NUMB: variants seen among roughly 807,000 people sequenced by gnomAD.
NUMB encodes NUMB endocytic adaptor protein.
In NUMB, 29 loss-of-function variants were observed where a neutral mutation model predicts 59.7. The ratio of observed to expected loss-of-function variants is 0.49; its 90% CI spans 0.36 to 0.66. NUMB has a LOEUF of 0.66. Among genes scored for constraint, NUMB ranks in the 30% least tolerant of loss-of-function variants. The pLI is 0.00. For missense variants in NUMB, 723 were observed against 822.0 expected (o/e 0.88, Z 1.47); for synonymous variants, 288 against 288.2 (o/e 1.00, Z 0.01).
intron 2 of NUMB, among the ~76,000 whole-genome samples, chr14:73,371,590 T>C (rs938817207): frequency 2.6e-5 from 4 of 152,060 alleles, no homozygotes; most frequent in African/African-American, 9.7e-5. Flanking sequence ...TTCTTAGTTA[T>C]GTGTGTTAAT....
chr14:73,401,417 CAG>C (rs760574091), intron 2 of NUMB, among the ~76,000 whole-genome samples: 40 of 148,926 alleles, frequency 2.7e-4, no homozygotes, highest in African/African-American at 9.2e-4. Flanking sequence ...AAAAAAAAAA[CAG>C]GGGATGGTAC....
chr14:73,344,024 C>T (rs1320558572), intron 4 of NUMB, among the ~76,000 whole-genome samples: 2 of 152,220 alleles, frequency 1.3e-5, no homozygotes, highest in South Asian at 2.1e-4. Context: ...ATTTCTTCTA[C>T]ATGAATTGTT....
chr14:73,320,622 C>T (rs1172114082), intron 5 of NUMB, among the ~76,000 whole-genome samples: 1 of 152,078 alleles, frequency 6.6e-6, no homozygotes, highest in East Asian at 1.9e-4. Context: ...AAACATTAGA[C>T]ATAATATTTG....
chr14:73,433,856 G>A (rs962295567), intron 1 of NUMB, among the ~76,000 whole-genome samples: 14 of 152,160 alleles, frequency 9.2e-5, no homozygotes, highest in African/African-American at 3.4e-4. Flanking sequence ...TTGGGAGGCC[G>A]AGGCCGATGG....
chr14:73,379,126 T>G (rs1297541590), intron 2 of NUMB, among the ~76,000 whole-genome samples: 1 of 152,212 alleles, frequency 6.6e-6, no homozygotes, highest in African/African-American at 2.4e-5. Flanking sequence ...ACATTTGCCC[T>G]TTATATATGG....
At chr14:73,329,396 C>T (rs1891837489) in intron 4 of NUMB, among the ~76,000 whole-genome samples, 1 of 152,110 alleles carries the variant, frequency 6.6e-6, no homozygotes, top group Admixed American at 6.6e-5. Context: ...TATAGTAGTG[C>T]TAAATACATA....
At position 73,446,767 on chromosome 14, in the gene NUMB, AAATT is replaced by A. The variant is rs1480128548; in HGVS notation, c.-233+11722_-233+11725del. On this transcript the variant is annotated intron_variant, in intron 1 of 12. Coordinates refer to ENST00000555238, the MANE Select transcript of NUMB (RefSeq NM_001005743.2). ...CAAGACCTCATATCTTAAAAAAAAA[AAATT>A]AATAAATAAACATAAAATTAACTTT... 7.7e-4 allele frequency among the ~76,000 whole-genome samples: 117 copies of A among 152,168 alleles called. 1 individual carries two copies. Among genetic ancestry groups the A allele is most frequent in the Non-Finnish European group, 8.4e-4 (57 of 68,006 alleles).
At chr14:73,370,539 A>G (rs1485513917) in intron 2 of NUMB, among the ~76,000 whole-genome samples, 1 of 152,126 alleles carries the variant, frequency 6.6e-6, no homozygotes, top group East Asian at 1.9e-4. Context: ...TAAAAATACA[A>G]AAATTAGCCG....
Position 73,423,891 on chromosome 14 carries a change from G to A in NUMB, c.-232-13823C>T, listed in dbSNP as rs143388994. On this transcript the variant is annotated intron_variant, in intron 1 of 12. Coordinates refer to ENST00000555238, the MANE Select transcript of NUMB (RefSeq NM_001005743.2). ...TGAGGCAGGAGAATCGCTTGAACCCGGGAGGCGGAGGTTGCAGTGAGCTGA... is the reference window on the plus strand; with the variant it reads ...TGAGGCAGGAGAATCGCTTGAACCCAGGAGGCGGAGGTTGCAGTGAGCTGA... 9.8e-3 allele frequency among the ~76,000 whole-genome samples: 1,469 copies of A among 150,474 alleles called. 16 individuals carry two copies. Among genetic ancestry groups the A allele is most frequent in the South Asian group, 0.024 (112 of 4,744 alleles).
At chr14:73,355,571 C>CTAGAT in intron 4 of NUMB, 55 bp downstream of exon 4, 1 of 1,524,022 alleles carries the variant, frequency 6.6e-7, no homozygotes, top group Non-Finnish European at 8.9e-7. Flanking sequence ...ATTTCACATA[C>CTAGAT]ACTAGATTGT....
intron 2 of NUMB, among the ~76,000 whole-genome samples, chr14:73,398,335 C>G (rs1896232642): frequency 6.6e-6 from 1 of 150,730 alleles, no homozygotes; most frequent in Admixed American, 6.6e-5. Context: ...TGTAAGAAAA[C>G]TGTGTATATA....
chr14:73,364,867 G>A (rs1894263611), intron 3 of NUMB, among the ~76,000 whole-genome samples: 1 of 151,926 alleles, frequency 6.6e-6, no homozygotes, highest in African/African-American at 2.4e-5. Context: ...CAAACTCCTG[G>A]GCTCAAGCAA....
At position 73,385,495 on chromosome 14, in the gene NUMB, CCT is replaced by C. The variant is rs1491579330; in HGVS notation, c.-100-18516_-100-18515del. Reference sequence around the variant, plus strand: ...CAAAATAGCTACATATGGCTAGTGGCCTTTTTTTTTTTTTTTTTTTTTTTGAG... The same window carrying C: ...CAAAATAGCTACATATGGCTAGTGGCTTTTTTTTTTTTTTTTTTTTTTGAG... On this transcript the variant is annotated intron_variant, in intron 2 of 12. Transcript: ENST00000555238. 7.6e-4 allele frequency among the ~76,000 whole-genome samples: 51 copies of C among 67,540 alleles called. 2 individuals are homozygous for C. Among genetic ancestry groups the C allele is most frequent in the Admixed American group, 2.1e-3 (12 of 5,696 alleles). 44.3% of individuals were successfully genotyped at this position (67,540 alleles called of 152,430 possible). A position where few individuals can be genotyped will look rare whatever the true frequency, so the allele number is the denominator to read the frequency against.
rs762530880 is a variant in NUMB, at chr14:73,277,310, G to A, written c.1241-17C>T. ...ACTCGGTCCCTGGAACCAACAAGAT[G>A]AGAGACAAAAGAATCAGTTAGGGGC... On this transcript the variant is annotated splice_polypyrimidine_tract_variant and intron_variant, in intron 12 of 12. Transcript: ENST00000555238. 5.1e-6 allele frequency: 8 copies of A among 1,566,650 alleles called. No homozygotes were observed. The highest frequency in any genetic ancestry group is 7.0e-6 in the Non-Finnish European group (8 of 1,147,378).
chr14:73,313,870 T>C (rs1890927429), intron 6 of NUMB, among the ~76,000 whole-genome samples: 1 of 151,536 alleles, frequency 6.6e-6, no homozygotes, highest in Non-Finnish European at 1.5e-5. Context: ...TGCAATGGCA[T>C]TATCTTGGCT....
At position 73,297,292 on chromosome 14, in the gene NUMB, A is replaced by G; in HGVS notation, c.235-7T>C. The G allele has an allele frequency of 6.3e-7, 1 of 1,583,150 alleles. No homozygotes were observed. The highest frequency in any genetic ancestry group is 8.7e-7 in the Non-Finnish European group (1 of 1,152,630). ...TAACTGCTTTCTTTCCAGTCTTTTA[A>G]GAGAAACCAAAAAGGGGAGGGGGAG... On this transcript the variant is annotated splice_region_variant and splice_polypyrimidine_tract_variant and intron_variant, in intron 6 of 12. Transcript: ENST00000555238.
intron 6 of NUMB, among the ~76,000 whole-genome samples, chr14:73,312,432 C>T (rs980223633): frequency 6.6e-5 from 10 of 151,614 alleles, no homozygotes; most frequent in African/African-American, 1.5e-4. Flanking sequence ...CCATCGAGCA[C>T]GCTGGGCACA....
intron 1 of NUMB, among the ~76,000 whole-genome samples, chr14:73,415,306 AAAC>A (rs10533473): frequency 0.24 from 35,821 of 151,944 alleles, 4,244 homozygotes; most frequent in Non-Finnish European, 0.25. Context: ...GATATGCAAG[AAAC>A]AACATTGTTA....
intron 1 of NUMB, among the ~76,000 whole-genome samples, chr14:73,445,354 C>CAAAAAAAAAAAAAAAAAAAAAAAAAAAAA (rs752154048): frequency 3.5e-5 from 2 of 57,560 alleles, no homozygotes; most frequent in South Asian, 7.3e-4. Flanking sequence ...GACCCTGTCT[C>CAAAAAAAAAAAAAAAAAAAAAAAAAAAAA]AAAAAAAAAA....
Sources: gnomAD v4.1 joint callset for allele counts (sites outside exome capture counted in the v4.1 genomes callset) on GRCh38, gnomAD v4.1.1 for gene constraint, MANE v1.5 for transcripts, NCBI Gene and HGNC (gene_info 2026-07-23, HGNC 2026-07-21) for gene names.